The following RTKN2 variants were observed in gnomAD, a reference collection of about 807,000 sequenced individuals.
The protein encoded by RTKN2 is rhotekin 2, also known as rhotekin-2.
In RTKN2, 69 loss-of-function variants were observed where a neutral mutation model predicts 71.5. The observed-to-expected ratio is 0.96, with a 90% CI of 0.79 to 1.18. The LOEUF (loss-of-function observed/expected upper bound fraction) is 1.18. Ranked by LOEUF, RTKN2 falls within the 50% of genes most tolerant of loss-of-function variation. The pLI is 0.00. For synonymous variants in RTKN2, 236 were observed against 236.5 expected (o/e 1.00, Z 0.02); for missense variants, 724 against 719.7 (o/e 1.01, Z -0.07).
intron 6 of RTKN2, among the ~76,000 whole-genome samples, chr10:62,230,895 G>A (rs1378560380): frequency 1.3e-5 from 2 of 152,130 alleles, no homozygotes; most frequent in Non-Finnish European, 2.9e-5. Context: ...TTTGAGTGCA[G>A]GGACCTATTA....
At chr10:62,262,866 T>C (rs1437665188) in intron 1 of RTKN2, 45 bp from the exon 2 acceptor site, 1 of 1,330,928 alleles carries the variant, frequency 7.5e-7, no homozygotes, top group South Asian at 1.3e-5. Flanking sequence ...AACCCAAAAT[T>C]ACATCTTAAC....
chr10:62,244,294 CAG>C (rs1282667527), intron 3 of RTKN2, among the ~76,000 whole-genome samples: 2 of 152,124 alleles, frequency 1.3e-5, no homozygotes, highest in Admixed American at 1.3e-4. Flanking sequence ...CCGATTTTCT[CAG>C]AGTTTCCGTT....
intron 6 of RTKN2, among the ~76,000 whole-genome samples, chr10:62,230,272 A>C (rs1842121528): frequency 1.3e-5 from 2 of 152,064 alleles, no homozygotes; most frequent in Admixed American, 1.3e-4. Context: ...CCTGCGTTCA[A>C]GCGATTCTCC....
downstream of RTKN2, among the ~76,000 whole-genome samples, chr10:62,188,163 C>T (rs1444144366): frequency 1.3e-5 from 2 of 152,184 alleles, no homozygotes; most frequent in African/African-American, 4.8e-5. Flanking sequence ...TTAGGAGCGG[C>T]TTAGCCATGC....
Position 62,221,449 on chromosome 10 carries a change from C to G in RTKN2, c.781+1789G>C, listed in dbSNP as rs576291034. ...ATACACAGCTATTTGATATTAAATA[C>G]GAAAGGACTAAAAGCTTCGGTAAAA... On this transcript the variant is annotated intron_variant, in intron 7 of 11. Transcript: ENST00000373789. Among the ~76,000 whole-genome samples the G allele has an allele frequency of 2.0e-5, 3 of 151,562 alleles. 1 individual carries two copies. The highest frequency in any genetic ancestry group is 4.4e-5 in the Non-Finnish European group (3 of 67,862).
chr10:62,262,547 C>A, intron 2 of RTKN2, 78 bp downstream of exon 2: 1 of 997,666 alleles, frequency 1.0e-6, no homozygotes. Flanking sequence ...GACATTGGTA[C>A]TTAAGCTTAA....
intron 3 of RTKN2, among the ~76,000 whole-genome samples, chr10:62,245,091 A>G (rs547992696): frequency 1.1e-4 from 17 of 152,128 alleles, no homozygotes; most frequent in Non-Finnish European, 1.9e-4. Flanking sequence ...TTATCTGACT[A>G]GTGTACACAC....
At chr10:62,264,970 C>T (rs1405456135) in intron 1 of RTKN2, among the ~76,000 whole-genome samples, 1 of 151,972 alleles carries the variant, frequency 6.6e-6, no homozygotes, top group Non-Finnish European at 1.5e-5. Flanking sequence ...GTGGCTACAG[C>T]CACATTAAGG....
intron 8 of RTKN2, among the ~76,000 whole-genome samples, chr10:62,186,659 A>G (rs1841141347): frequency 6.6e-6 from 1 of 152,198 alleles, no homozygotes; most frequent in East Asian, 1.9e-4. Flanking sequence ...AAAAGTCTAC[A>G]TAAACTATTG....
At chr10:62,191,945 C>A (rs1803358964), downstream of RTKN2, among the ~76,000 whole-genome samples, 1 of 152,102 alleles carries the variant, frequency 6.6e-6, no homozygotes, top group Non-Finnish European at 1.5e-5. Flanking sequence ...GTGTTACATA[C>A]TATATGTCAA....
chr10:62,235,334 A>T (rs1449764654), intron 6 of RTKN2, among the ~76,000 whole-genome samples: 2 of 152,138 alleles, frequency 1.3e-5, no homozygotes, highest in African/African-American at 4.8e-5. Flanking sequence ...TTTGTTAAAA[A>T]GAGATAAAAT....
chr10:62,231,999 A>C (rs1842159000), intron 6 of RTKN2, among the ~76,000 whole-genome samples: 1 of 152,336 alleles, frequency 6.6e-6, no homozygotes, highest in South Asian at 2.1e-4. Flanking sequence ...TTCACACTAC[A>C]GTGTCAACAG....
intron 2 of RTKN2, among the ~76,000 whole-genome samples, chr10:62,252,729 C>T (rs965942811): frequency 1.3e-5 from 2 of 151,716 alleles, no homozygotes; most frequent in Admixed American, 6.6e-5. Flanking sequence ...CTGAGTTAGG[C>T]CATTCTTGCA....
intron 6 of RTKN2, among the ~76,000 whole-genome samples, chr10:62,225,657 T>C (rs1842004953): frequency 6.6e-6 from 1 of 152,236 alleles, no homozygotes; most frequent in African/African-American, 2.4e-5. Flanking sequence ...TAGTTCCCTT[T>C]GTGGTACTTA....
rs1841316040 is a variant in RTKN2, at chr10:62,195,702, T to C, written c.*2206A>G. ...AACTCTGTATTATAACTACACTCCTTAGGTAAGGGGTAAATTAGCATTTCA... is the reference window on the plus strand; with the variant it reads ...AACTCTGTATTATAACTACACTCCTCAGGTAAGGGGTAAATTAGCATTTCA... On this transcript the variant is annotated 3_prime_UTR_variant, in exon 12 of 12. Coordinates refer to ENST00000373789, the MANE Select transcript of RTKN2 (RefSeq NM_145307.4). 9.1e-6 allele frequency: 9 copies of C among 984,552 alleles called. No homozygotes were observed. The highest frequency in any genetic ancestry group is 1.1e-5 in the Non-Finnish European group (9 of 829,592). The allele number at this position is 984,552 out of a possible 1,614,324, so 61.0% of individuals were successfully genotyped here.
chr10:62,204,796 C>T, intron 10 of RTKN2, 61 bp downstream of exon 10: 4 of 1,260,244 alleles, frequency 3.2e-6, no homozygotes, highest in South Asian at 1.6e-5. Flanking sequence ...TTTAAGATTG[C>T]TGTGCACATC....
Position 62,198,375 on chromosome 10 carries a change from C to A in RTKN2, c.1363G>T (p.Gly455Trp). ...TCATGCTGACCAATAAGGAACTGCC[C>A]ATTTGTCTCTTCAATTTTTTTTTGT... is the stretch of plus-strand genomic sequence containing the variant. ...IIQKKIEETNGQFLIGQHEES... is the reference protein window; with the variant it reads ...IIQKKIEETNWQFLIGQHEES... Residue 455 changes from glycine to tryptophan, a missense_variant, in exon 12 of 12, where the codon GGG (glycine) becomes TGG (tryptophan). Physicochemically the swap from Gly to Trp is radical, Grantham distance 184 (BLOSUM62 -2). Coordinates refer to ENST00000373789, the MANE Select transcript of RTKN2 (RefSeq NM_145307.4). The A allele has an allele frequency of 6.2e-7, 1 of 1,600,766 alleles. No individual in the cohort carries two copies. Among genetic ancestry groups the A allele is most frequent in the Non-Finnish European group, 8.5e-7 (1 of 1,176,192 alleles).
At position 62,196,117 on chromosome 10, in the gene RTKN2, T is replaced by C; in HGVS notation, c.*1791A>G. On this transcript the variant is annotated 3_prime_UTR_variant, in exon 12 of 12. Transcript: ENST00000373789. The stretch of plus-strand genomic sequence containing the variant: ...TGCAGCATCTTCTAGCTCAATAATT[T>C]AGTGGCAATGACAGTCACAAATGCT... 1 of 985,142 alleles carries C rather than the reference T, an allele frequency of 1.0e-6. No homozygotes were observed. The highest frequency in any genetic ancestry group is 1.2e-6 in the Non-Finnish European group (1 of 829,738). The allele number at this position is 985,142 out of a possible 1,614,324, so 61.0% of individuals were successfully genotyped here.
At chr10:62,221,127 AATAAGTACT>A (rs1841896216) in intron 7 of RTKN2, among the ~76,000 whole-genome samples, 1 of 102,080 alleles carries the variant, frequency 9.8e-6, no homozygotes, top group Non-Finnish European at 2.0e-5. Flanking sequence ...ATTAAATCTA[AATAAGTACT>A]AAAAAAAAAA....
Sources: gnomAD v4.1 joint callset for allele counts (sites outside exome capture counted in the v4.1 genomes callset) on GRCh38, gnomAD v4.1.1 for gene constraint, MANE v1.5 for transcripts, NCBI Gene and HGNC (gene_info 2026-07-23, HGNC 2026-07-21) for gene names.